CRAMP1: variants seen among roughly 807,000 people sequenced by gnomAD.
The protein encoded by CRAMP1 is cramped chromatin regulator 1.
A neutral mutation model predicts 115.4 loss-of-function variants in CRAMP1; 50 were observed. The ratio of observed to expected loss-of-function variants is 0.43; its 90% confidence interval spans 0.35 to 0.55. CRAMP1 has a LOEUF of 0.55. CRAMP1 is among the 20% of genes least tolerant of loss of function. CRAMP1 has a pLI of 0.01. For synonymous variants in CRAMP1, 866 were observed against 745.4 expected, an observed-to-expected ratio of 1.16 and a Z score of -2.64; for missense variants, 1,679 against 1,721.7, an observed-to-expected ratio of 0.98 and a Z score of 0.44.
chr16:1,644,994 A>T (rs972926302), intron 6 of CRAMP1, among the ~76,000 whole-genome samples: 1 of 149,424 alleles, frequency 6.7e-6, no homozygotes, highest in Non-Finnish European at 1.5e-5. Context: ...GATCCTTCAC[A>T]CCTGACCCAT....
At chr16:1,615,444 G>C (rs1268216530) in intron 2 of CRAMP1, among the ~76,000 whole-genome samples, 2 of 152,156 alleles carry the variant, frequency 1.3e-5, no homozygotes, top group African/African-American at 4.8e-5. Flanking sequence ...GGATCCTTGG[G>C]GTCTGACTTG....
intron 6 of CRAMP1, among the ~76,000 whole-genome samples, chr16:1,651,475 A>G (rs1310044877): frequency 6.6e-6 from 1 of 150,820 alleles, no homozygotes; most frequent in Non-Finnish European, 1.5e-5. Flanking sequence ...CTGAGGTCAC[A>G]CACAGGTCAT....
At chr16:1,667,195 C>T (rs2142207446) in intron 16 of CRAMP1, 140 bp from the exon 17 acceptor site, 1 of 669,998 alleles carries the variant, frequency 1.5e-6, no homozygotes, top group Non-Finnish European at 2.7e-6. Flanking sequence ...CGACCTTAGA[C>T]CCCTGTCCAT....
In CRAMP1 at chr16:1,614,183, G is replaced by T. The variant is rs571402757; in HGVS notation, c.-1-456G>T. On this transcript the variant is annotated intron_variant, in intron 1 of 20. Coordinates refer to ENST00000397412, the MANE Select transcript of CRAMP1 (RefSeq NM_020825.4). This position sits in a 1 kb window ranked among gnomAD's most constrained non-coding sequence, Gnocchi z 4.4. ...GGCCCGGCCGGCCGAGGCGGCGCAGGGAGCGAGGCCGGCGCGCAGGGCCAG... is the reference window on the plus strand; with the variant it reads ...GGCCCGGCCGGCCGAGGCGGCGCAGTGAGCGAGGCCGGCGCGCAGGGCCAG... Among the ~76,000 whole-genome samples the T allele has an allele frequency of 6.7e-6, 1 of 148,316 alleles. No homozygotes were observed. Among genetic ancestry groups the T allele is most frequent in the Non-Finnish European group, 1.5e-5 (1 of 66,516 alleles).
rs778238650 is a variant in CRAMP1 at position 1,672,767 on chromosome 16, C to T, written c.3646-1114C>T. ...TCTAGAGCAGGACGCAGACAATAAG[C>T]GCTGAAAACGGCACATTCTACGTAT... is the stretch of plus-strand genomic sequence containing the variant. On this transcript the variant is annotated intron_variant, in intron 20 of 20. Coordinates refer to ENST00000397412, the MANE Select transcript of CRAMP1 (RefSeq NM_020825.4). This position sits in a 1 kb window ranked among gnomAD's most constrained non-coding sequence, Gnocchi z 4.9. 7.9e-5 allele frequency among the ~76,000 whole-genome samples: 12 copies of T among 152,072 alleles called. No homozygotes were observed. The highest frequency in any genetic ancestry group is 7.7e-4 in the East Asian group (4 of 5,174).
chr16:1,617,121 G>A (rs548325126), intron 2 of CRAMP1, among the ~76,000 whole-genome samples: 2 of 152,292 alleles, frequency 1.3e-5, no homozygotes, highest in South Asian at 4.1e-4. Context: ...ACCGCTCCTG[G>A]CCACAAGCAA....
At chr16:1,652,414 C>T (rs764788247) in intron 6 of CRAMP1, 82 bp from the exon 7 acceptor site, 4 of 1,302,908 alleles carry the variant, frequency 3.1e-6, no homozygotes, top group Non-Finnish European at 4.3e-6. Context: ...CCTGGCCTGG[C>T]TCAGCGCCTC....
chr16:1,646,905 T>C (rs780973339), intron 6 of CRAMP1: 2 of 594,346 alleles, frequency 3.4e-6, no homozygotes, highest in Admixed American at 2.9e-5. Context: ...AAGGACTGTC[T>C]CTCCTCCATT....
rs2036812520 is a variant in CRAMP1, at chr16:1,659,957, A to G, written c.2307A>G (p.Pro769=). 6.2e-7 allele frequency: 1 copy of G among 1,610,856 alleles called. No homozygotes were observed. The highest frequency in any genetic ancestry group is 8.5e-7 in the Non-Finnish European group (1 of 1,179,846). ...PAQEEQSMTP[P]GKVVTVSSRS... Reference sequence around the variant, plus strand: ...AGGAGGAGCAGTCGATGACGCCCCCAGGGAAGGTGGTGACCGTCAGCTCTC... The same window carrying G: ...AGGAGGAGCAGTCGATGACGCCCCCGGGGAAGGTGGTGACCGTCAGCTCTC... Residue 769 remains proline, a synonymous_variant, in exon 11 of 21, where the codon CCA becomes CCG. Transcript: ENST00000397412.
chr16:1,614,840 G>T lies in CRAMP1; in HGVS notation c.201G>T (p.Gln67His). ...CCCCCGCGCCCCCCGGCGCGCCGCAGGCGCCGTCCCCGCCGCAGGGCAGCC... is the reference window on the plus strand; with the variant it reads ...CCCCCGCGCCCCCCGGCGCGCCGCATGCGCCGTCCCCGCCGCAGGGCAGCC... The part of the protein sequence containing the change: ...DGPPAPPGAP[Q>H]APSPPQGSPQ... The change falls in exon 2 of 21, where the codon CAG (glutamine) becomes CAT (histidine). Residue 67 changes from glutamine to histidine, a missense_variant. Around this residue, in one of 8 missense-constraint regions of CRAMP1, gnomAD observed 264 missense variants for 229.7 expected, o/e 1.15. Coordinates refer to ENST00000397412, the MANE Select transcript of CRAMP1 (RefSeq NM_020825.4). This position sits in a 1 kb window ranked among gnomAD's most constrained non-coding sequence, Gnocchi z 4.4. The T allele has an allele frequency of 7.8e-7, 1 of 1,279,828 alleles. No homozygotes were observed. The highest frequency in any genetic ancestry group is 9.8e-7 in the Non-Finnish European group (1 of 1,017,718). The allele number at this position is 1,279,828 out of a possible 1,614,324, so 79.3% of individuals were successfully genotyped here.
intron 13 of CRAMP1, among the ~76,000 whole-genome samples, chr16:1,663,777 A>G (rs1334979509): frequency 1.3e-5 from 2 of 152,084 alleles, no homozygotes; most frequent in African/African-American, 4.8e-5. Context: ...TTCTGTCTCT[A>G]TGGATTTGTC....
At chr16:1,641,482 C>G (rs1007704686) in intron 6 of CRAMP1, among the ~76,000 whole-genome samples, 4 of 152,206 alleles carry the variant, frequency 2.6e-5, no homozygotes, top group Non-Finnish European at 5.9e-5. Flanking sequence ...GCTTTTTGTG[C>G]TCCTTTTCCT....
intron 20 of CRAMP1, 82 bp downstream of exon 20, chr16:1,670,891 G>A: frequency 7.4e-7 from 1 of 1,347,276 alleles, no homozygotes; most frequent in Non-Finnish European, 1.0e-6. Context: ...ACACCTGTGG[G>A]TTAGTAAGAG....
chr16:1,614,546 A>C lies in CRAMP1; in HGVS notation c.-1-93A>C. 1 of 763,966 alleles carries C rather than the reference A, an allele frequency of 1.3e-6. No homozygotes were observed. The highest frequency in any genetic ancestry group is 1.7e-6 in the Non-Finnish European group (1 of 575,316). The allele number at this position is 763,966 out of a possible 1,614,324, so 47.3% of individuals were successfully genotyped here. A position where few individuals can be genotyped will look rare whatever the true frequency, so the allele number is the denominator to read the frequency against. The stretch of plus-strand genomic sequence containing the variant: ...GAGCCGCCGAGAGGGGATTTGGAAC[A>C]AACAACGGCGGCCATGTTGAGAGCG... On this transcript the variant is annotated intron_variant, in intron 1 of 20. Coordinates refer to ENST00000397412, the MANE Select transcript of CRAMP1 (RefSeq NM_020825.4). This position sits in a 1 kb window ranked among gnomAD's most constrained non-coding sequence, Gnocchi z 4.4.
rs1289205136 is a variant in CRAMP1, at chr16:1,668,091, A to T, written c.3232A>T (p.Ile1078Phe). The part of the protein sequence containing the change: ...SPPDVSALLD[I>F]SLPGPPEDAL... Reference sequence around the variant, plus strand: ...ACCAGACGTCTCTGCTCTGCTCGACATCTCCCTGCCCGGCCCACCTGAGGA... The same window carrying T: ...ACCAGACGTCTCTGCTCTGCTCGACTTCTCCCTGCCCGGCCCACCTGAGGA... The change falls in exon 18 of 21, where the codon ATC becomes TTC. Residue 1078 changes from isoleucine (I) to phenylalanine (F), a missense_variant. Ile to Phe is a conservative substitution (Grantham distance 21, BLOSUM62 0). Around this residue, in one of 8 missense-constraint regions of CRAMP1, gnomAD observed 709 missense variants for 741.9 expected, o/e 0.96. Transcript: ENST00000397412. The T allele has an allele frequency of 1.2e-6, 2 of 1,613,732 alleles. No individual in the cohort carries two copies. The highest frequency in any genetic ancestry group is 8.5e-7 in the Non-Finnish European group (1 of 1,179,860).
At chr16:1,623,877 G>A (rs1307642491) in intron 2 of CRAMP1, among the ~76,000 whole-genome samples, 1 of 152,246 alleles carries the variant, frequency 6.6e-6, no homozygotes, top group Non-Finnish European at 1.5e-5. Flanking sequence ...TCAGGCATTT[G>A]ATTAGCCTGG....
At position 1,669,071 on chromosome 16, in the gene CRAMP1, C is replaced by T. The variant is rs769070053; in HGVS notation, c.3405C>T (p.Ser1135=). ...GTTCCAAGAGCCTTCCCTCCCCGTC[C>T]AGCAGCCCCCAGCCACACTGGATCG... ...SDSSKSLPSP[S]SSPQPHWIAS... is the part of the protein sequence containing the mutation. Residue 1135 remains serine, a synonymous_variant, in exon 19 of 21, where the codon TCC becomes TCT. Transcript: ENST00000397412. This position sits in a 1 kb window ranked among gnomAD's most constrained non-coding sequence, Gnocchi z 4.6. 3.7e-6 allele frequency: 6 copies of T among 1,612,352 alleles called. No individual in the cohort carries two copies. The highest frequency in any genetic ancestry group is 3.3e-5 in the South Asian group (3 of 90,672).
rs2036946448 is a variant in CRAMP1, at chr16:1,674,073, C to T, written c.*28C>T. On this transcript the variant is annotated 3_prime_UTR_variant, in exon 21 of 21. Transcript: ENST00000397412. ...ACACGTCCTGGTGGCGGATGAAGCC[C>T]TCTTCGAGCTAGAGAAAAATAGATA... 16 of 1,605,118 alleles carry T rather than the reference C, an allele frequency of 1.0e-5. No individual in the cohort carries two copies. The highest frequency in any genetic ancestry group is 1.4e-5 in the Non-Finnish European group (16 of 1,176,378).
In CRAMP1 at chr16:1,614,812, G is replaced by GC. The variant is rs1567444708; in HGVS notation, c.180dup (p.Ala61ArgfsTer58). ...AAGACCCCCCGGGCCGGCGCCGACG[G>GC]CCCCCCCGCGCCCCCCGGCGCGCCG... On this transcript the variant is annotated frameshift_variant, in exon 2 of 21. Coordinates refer to ENST00000397412, the MANE Select transcript of CRAMP1 (RefSeq NM_020825.4). LOFTEE classifies it high-confidence loss of function. The surrounding 1 kb of genome is among the most constrained non-coding windows in gnomAD (Gnocchi z 4.4). 1.0e-5 allele frequency: 13 copies of GC among 1,265,418 alleles called. No homozygotes were observed. Among genetic ancestry groups the GC allele is most frequent in the South Asian group, 6.9e-5 (2 of 28,956 alleles). 78.4% of individuals were successfully genotyped at this position (1,265,418 alleles called of 1,614,324 possible). A position where few individuals can be genotyped will look rare whatever the true frequency, so the allele number is the denominator to read the frequency against.
Sources: allele counts gnomAD v4.1 joint callset (sites outside exome capture counted in the v4.1 genomes callset), GRCh38; gene constraint gnomAD v4.1.1; regional missense constraint gnomAD v4.1.1; non-coding constraint Gnocchi (gnomAD v3.1); transcripts MANE v1.5; gene names NCBI Gene and HGNC (gene_info 2026-07-23, HGNC 2026-07-21).